The following GLYATL1 variants were observed in gnomAD, a reference collection of about 807,000 sequenced individuals.
GLYATL1 encodes the protein glycine N-acyltransferase-like protein 1.
A neutral mutation model predicts 20.0 loss-of-function variants in GLYATL1; 15 were observed. That is an observed-to-expected ratio of 0.75 (90% CI 0.50 to 1.15). The LOEUF (loss-of-function observed/expected upper bound fraction) is 1.15, where lower values mean the gene tolerates loss of function less well. Ranked by LOEUF, GLYATL1 falls within the 50% of genes most tolerant of loss-of-function variation. The pLI is 0.00. For missense variants in GLYATL1, 380 were observed against 368.5 expected (o/e 1.03, Z -0.26); for synonymous variants, 151 against 131.5 (o/e 1.15, Z -1.01).
At chr11:58,934,803 C>G (rs1353352490), upstream of GLYATL1, 3 of 152,312 alleles carry the variant, frequency 2.0e-5, no homozygotes, top group Non-Finnish European at 4.4e-5. Flanking sequence ...TTGCCAGATA[C>G]CTGACTAAGG....
chr11:58,954,745 C>G (rs1398612437), intron 4 of GLYATL1, 25 bp from the exon 5 acceptor site: 3 of 1,562,448 alleles, frequency 1.9e-6, no homozygotes, highest in Admixed American at 4.1e-5. Context: ...AAGGGAATGA[C>G]CTGATCTTAT....
At chr11:58,917,048 G>A (rs576586996) in intron 1 of GLYATL1, 1 of 152,196 alleles carries the variant, frequency 6.6e-6, no homozygotes, top group African/African-American at 2.4e-5. Flanking sequence ...GTGGAAAGTG[G>A]GAATTGGTGG....
downstream of GLYATL1, among the ~76,000 whole-genome samples, chr11:58,908,946 GA>G (rs553562492): frequency 1.9e-3 from 282 of 152,234 alleles, 2 homozygotes; most frequent in Non-Finnish European, 2.5e-3. Context: ...TTCCAAAAAA[GA>G]AACTGAAGCT....
At chr11:58,908,211 GT>G (rs1286870903) in exon 2 of GLYATL1, 2 of 152,140 alleles carry the variant, frequency 1.3e-5, no homozygotes, top group African/African-American at 2.4e-5. Flanking sequence ...GGTTCTGCCT[GT>G]TTCCCCTCCC....
At chr11:58,922,865 C>T (rs541001474), upstream of GLYATL1, among the ~76,000 whole-genome samples, 14 of 152,302 alleles carry the variant, frequency 9.2e-5, no homozygotes, top group Admixed American at 3.3e-4. Flanking sequence ...GACTGTCCTC[C>T]AACCGTGGTC....
chr11:58,925,087 T>C (rs141422017), upstream of GLYATL1, among the ~76,000 whole-genome samples: 393 of 152,316 alleles, frequency 2.6e-3, 5 homozygotes, highest in African/African-American at 8.4e-3. Flanking sequence ...TTGAGTTTTT[T>C]TTCTTTCCAT....
exon 2 of GLYATL1, chr11:58,908,052 A>G (rs1230132787): frequency 6.6e-6 from 1 of 152,456 alleles, no homozygotes; most frequent in Admixed American, 6.5e-5. Flanking sequence ...TGCATTGACC[A>G]AGCTGAAATC....
chr11:58,912,586 G>A (rs142472924), downstream of GLYATL1, among the ~76,000 whole-genome samples: 388 of 152,322 alleles, frequency 2.5e-3, 5 homozygotes, highest in African/African-American at 8.3e-3. Context: ...AAAACTGGAT[G>A]GTCAAGATAA....
At chr11:58,932,057 A>G (rs1855623772) in intron 1 of GLYATL1, among the ~76,000 whole-genome samples, 1 of 146,464 alleles carries the variant, frequency 6.8e-6, no homozygotes, top group Non-Finnish European at 1.5e-5. Context: ...GGTTGCAGTG[A>G]ACCGAGATCA....
chr11:58,917,833 C>T (rs1855212004), intron 1 of GLYATL1, among the ~76,000 whole-genome samples: 2 of 152,248 alleles, frequency 1.3e-5, no homozygotes, highest in African/African-American at 4.8e-5. Context: ...CTCCAGAGCA[C>T]ATTCCTTTCA....
chr11:58,905,954 A>G (rs1356104697), intron 1 of GLYATL1, among the ~76,000 whole-genome samples: 1 of 152,174 alleles, frequency 6.6e-6, no homozygotes, highest in East Asian at 1.9e-4. Context: ...TTGGCCAGCG[A>G]GAGTGTCAAT....
chr11:58,926,284 T>C (rs1294477935), upstream of GLYATL1, among the ~76,000 whole-genome samples: 1 of 152,130 alleles, frequency 6.6e-6, no homozygotes, highest in Non-Finnish European at 1.5e-5. Context: ...ATTGATGCGA[T>C]TGGGTGGCTA....
At chr11:58,951,901 G>T (rs1783530) in intron 4 of GLYATL1, among the ~76,000 whole-genome samples, 5,588 of 151,848 alleles carry the variant, frequency 0.037, 325 homozygotes, top group African/African-American at 0.12. Flanking sequence ...TATTTGTTTT[G>T]TTTTTTTGTC....
rs903052483 is a variant in GLYATL1, at chr11:58,956,043, A to G, written c.*16A>G. 3.8e-5 allele frequency: 60 copies of G among 1,598,578 alleles called. No homozygotes were observed. The highest frequency in any genetic ancestry group is 4.9e-5 in the Non-Finnish European group (57 of 1,168,512). On this transcript the variant is annotated 3_prime_UTR_variant, in exon 7 of 7. Coordinates refer to ENST00000532726, the MANE Select transcript of GLYATL1 (RefSeq NM_001389712.2). ...TCCATTTTAGACAATGAAGCTGCTT[A>G]GTAATCTCTGCCAAGCCATCTCTTA...
rs759470897 is a variant in GLYATL1, at chr11:58,943,606, G to T, written c.-103G>T. On this transcript the variant is annotated 5_prime_UTR_variant, in exon 2 of 7. It introduces an in-frame stop codon into an upstream open reading frame of the 5' UTR. Coordinates refer to ENST00000532726, the MANE Select transcript of GLYATL1 (RefSeq NM_001389712.2). ...ATCCCCAGGAGCGCGAAGTGAACAC[G>T]GAAGGTACCTGCAGGATCCAATTGT... 6.2e-7 allele frequency: 1 copy of T among 1,613,550 alleles called. No individual in the cohort carries two copies. The highest frequency in any genetic ancestry group is 8.5e-7 in the Non-Finnish European group (1 of 1,179,572).
chr11:58,907,313 C>G (rs187842365), exon 2 of GLYATL1: 5 of 456,318 alleles, frequency 1.1e-5, no homozygotes. Context: ...GAAATCTGGA[C>G]TTCCAATTGT....
At chr11:58,907,297 T>C (rs1285404028) in exon 2 of GLYATL1, 3 of 456,190 alleles carry the variant, frequency 6.6e-6, no homozygotes, top group African/African-American at 6.0e-5. Flanking sequence ...CTCAGCTTTG[T>C]CTTCTGAAAT....
At chr11:58,907,643 G>T (rs1450397199) in exon 2 of GLYATL1, 1 of 224,092 alleles carries the variant, frequency 4.5e-6, no homozygotes, top group Admixed American at 5.1e-5. Flanking sequence ...TCTAGTCATT[G>T]TGGGTCATAT....
upstream of GLYATL1, among the ~76,000 whole-genome samples, chr11:58,927,188 C>G (rs1855446911): frequency 6.6e-6 from 1 of 152,222 alleles, no homozygotes; most frequent in Non-Finnish European, 1.5e-5. Context: ...CTTAATCTCT[C>G]TCCCTTCAGA....
Sources: allele counts gnomAD v4.1 joint callset (sites outside exome capture counted in the v4.1 genomes callset), GRCh38; gene constraint gnomAD v4.1.1; transcripts MANE v1.5; gene names NCBI Gene and HGNC (gene_info 2026-07-23, HGNC 2026-07-21).